The following PIGO variants were observed in gnomAD, a reference collection of about 807,000 sequenced individuals.
PIGO encodes the protein phosphatidylinositol glycan anchor biosynthesis class O, also known as GPI ethanolamine phosphate transferase 3, catalytic subunit.
PIGO carries 66 observed loss-of-function variants against 86.9 expected under a neutral mutation model. That is an observed-to-expected ratio of 0.76 (90% CI 0.62 to 0.93). PIGO has a LOEUF of 0.93. PIGO is among the 40% of genes least tolerant of loss of function. The pLI, the probability that PIGO is intolerant of heterozygous loss-of-function variation, is 0.00. For synonymous variants in PIGO, 570 were observed against 556.4 expected (o/e 1.02, Z -0.34); for missense variants, 1,202 against 1,359.1 (o/e 0.88, Z 1.82).
In PIGO at chr9:35,093,029, C is replaced by A. The variant is rs1326545265; in HGVS notation, c.1119+1G>T. ...CCTGGAAACCCAGCCCGCTTACCTA[C>A]CTGCTGAGCATTGAGATGGAGAGCT... On this transcript the variant is annotated splice_donor_variant, in intron 6 of 10. Coordinates refer to ENST00000378617, the MANE Select transcript of PIGO (RefSeq NM_032634.4). LOFTEE classifies it high-confidence loss of function. 6.2e-7 allele frequency: 1 copy of A among 1,602,486 alleles called. No individual in the cohort carries two copies. The highest frequency in any genetic ancestry group is 8.5e-7 in the Non-Finnish European group (1 of 1,170,804).
chr9:35,091,394 G>A lies in PIGO; in HGVS notation c.2493C>T (p.Val831=). 2 of 1,614,212 alleles carry A rather than the reference G, an allele frequency of 1.2e-6. No individual in the cohort carries two copies. Among genetic ancestry groups the A allele is most frequent in the Non-Finnish European group, 1.7e-6 (2 of 1,180,038 alleles). ...GGGCTGTGACCATAGCAGCTGAGTA[G>A]ACACTCCCCAACTGATAAGCAGCCA... ...LTVAAYQLGS[V]YSAAMVTALT... is the part of the protein sequence containing the mutation. Residue 831 remains valine (V), a synonymous_variant, in exon 7 of 11, where the codon GTC becomes GTT. Transcript: ENST00000378617.
chr9:35,089,067 C>T lies in PIGO; in HGVS notation c.*25G>A. 6.2e-7 allele frequency: 1 copy of T among 1,613,762 alleles called. No individual in the cohort carries two copies. Among genetic ancestry groups the T allele is most frequent in the Non-Finnish European group, 8.5e-7 (1 of 1,179,928 alleles). On this transcript the variant is annotated 3_prime_UTR_variant, in exon 11 of 11. Transcript: ENST00000378617. ...ACTGTTCTCAAGCACTCTCTGTAGC[C>T]AAGTGCCAGTAATCACAGACTAGGC...
rs756106279 is a variant in PIGO, at chr9:35,091,608, C to T, written c.2279G>A (p.Trp760Ter). The change falls in exon 7 of 11, where the codon TGG becomes TAG. Residue 760 changes from tryptophan to a stop codon, truncating the protein, a stop_gained. Transcript: ENST00000378617. LOFTEE classifies it high-confidence loss of function. ...LAASGLALLL[W>*]KPVTVLVKAG... ...CTTCACCAGCACTGTCACAGGCTTC[C>T]AGAGCAGCAGCGCGAGCCCTGAAGC... The T allele has an allele frequency of 1.2e-6, 2 of 1,613,730 alleles. No individual in the cohort carries two copies. The highest frequency in any genetic ancestry group is 1.7e-6 in the Non-Finnish European group (2 of 1,180,024).
Position 35,093,317 on chromosome 9 carries a change from G to T in PIGO, c.939+104C>A, listed in dbSNP as rs894663969. ...AGAAATGAGAGTGGAGGATACCCAG[G>T]ATCATGGATTTGGGGGCCTAAAATA... On this transcript the variant is annotated intron_variant, in intron 5 of 10. Coordinates refer to ENST00000378617, the MANE Select transcript of PIGO (RefSeq NM_032634.4). 3.2e-6 allele frequency: 5 copies of T among 1,576,888 alleles called. No individual in the cohort carries two copies. In the African/African-American group the frequency reaches 4.0e-5, roughly 13 times the overall value.
At chr9:35,092,805 CAG>C (rs768550117) in intron 6 of PIGO, 38 bp from the exon 7 acceptor site, 2 of 1,534,270 alleles carry the variant, frequency 1.3e-6, no homozygotes. Context: ...GGGAACAGGT[CAG>C]AGACATAAAT....
chr9:35,090,816 A>G (rs1829385103), intron 7 of PIGO, 144 bp from the exon 8 acceptor site: 2 of 768,520 alleles, frequency 2.6e-6, no homozygotes, highest in Middle Eastern at 3.7e-4. Flanking sequence ...CTTACAGTCA[A>G]CATTCTGTTA....
rs550176742 is a variant in PIGO at position 35,090,176 on chromosome 9, C to T, written c.2959G>A (p.Glu987Lys). ...TCCATCAGTGGCTCCTCTTCCTCCT[C>T]GGGTCTGACTCTGGCATCAGCTTCA... Reference protein sequence around the residue: ...GNEADARVRPEEEEEPLMEMR... With the variant: ...GNEADARVRPKEEEEPLMEMR... The change falls in exon 9 of 11, where the codon GAG becomes AAG. Residue 987 changes from glutamate (E) to lysine (K), a missense_variant. By Grantham distance (56) the Glu-to-Lys change is moderately conservative. Transcript: ENST00000378617. The T allele has an allele frequency of 1.6e-5, 26 of 1,614,226 alleles. No individual in the cohort carries two copies. The South Asian group carries it at 2.2e-4, about 14-fold the overall frequency.
intron 7 of PIGO, 65 bp downstream of exon 7, chr9:35,091,175 G>T: frequency 6.7e-7 from 1 of 1,484,598 alleles, no homozygotes. Flanking sequence ...ACACCTCCTT[G>T]AAAACAAGAG....
chr9:35,089,982 C>T, intron 9 of PIGO, 84 bp downstream of exon 9: 4 of 1,524,370 alleles, frequency 2.6e-6, no homozygotes, highest in African/African-American at 2.8e-5. Flanking sequence ...TCAAGGCTCT[C>T]TCCCACGGTT....
In PIGO at chr9:35,091,703, A is replaced by G; in HGVS notation, c.2184T>C (p.Ala728=). Residue 728 remains alanine (A), a synonymous_variant, in exon 7 of 11, where the codon GCT becomes GCC. Transcript: ENST00000378617. ...YWALASGADE[A]PPRLRVLVSG... is the part of the protein sequence containing the mutation. ...AGACCAGGACCCGGAGACGGGGGGG[A>G]GCCTCATCTGCCCCCGACGCCAATG... 1 of 1,612,200 alleles carries G rather than the reference A, an allele frequency of 6.2e-7. No homozygotes were observed. The highest frequency in any genetic ancestry group is 8.5e-7 in the Non-Finnish European group (1 of 1,179,986).
chr9:35,091,215 A>G (rs1829399725), intron 7 of PIGO, 25 bp downstream of exon 7: 1 of 1,552,854 alleles, frequency 6.4e-7, no homozygotes, highest in Admixed American at 1.9e-5. Context: ...ATTGTCTTTA[A>G]GTGAATCAGA....
chr9:35,095,679 G>C, intron 1 of PIGO, 113 bp from the exon 2 acceptor site: 3 of 1,307,630 alleles, frequency 2.3e-6, no homozygotes, highest in Non-Finnish European at 3.0e-6. Context: ...CCTTCCTGGA[G>C]ATAAACCATT....
At chr9:35,093,735 T>G in intron 4 of PIGO, 155 bp from the exon 5 acceptor site, 1 of 1,434,964 alleles carries the variant, frequency 7.0e-7, no homozygotes, top group Admixed American at 2.4e-5. Flanking sequence ...GCCATGATCC[T>G]GATGCCCAAA....
chr9:35,095,199 A>C lies in PIGO; in HGVS notation c.367T>G (p.Ser123Ala), dbSNP rs1381316015. Reference sequence around the variant, plus strand: ...GTGGTGGTAGGAGGGTCAACCTGAGATCGGTAGAGCCGGGCATGGTGGGGC... The same window carrying C: ...GTGGTGGTAGGAGGGTCAACCTGAGCTCGGTAGAGCCGGGCATGGTGGGGC... ...IQPHHARLYR[S>A]QVDPPTTTMQ... Residue 123 changes from serine to alanine, a missense_variant, in exon 2 of 11, where the codon TCT becomes GCT. Physicochemically the swap from Ser to Ala is moderately conservative, Grantham distance 99. Transcript: ENST00000378617. 1 of 1,614,116 alleles carries C rather than the reference A, an allele frequency of 6.2e-7. No individual in the cohort carries two copies. The highest frequency in any genetic ancestry group is 8.5e-7 in the Non-Finnish European group (1 of 1,180,018).
At position 35,091,659 on chromosome 9, in the gene PIGO, A is replaced by G. The variant is rs1353428922; in HGVS notation, c.2228T>C (p.Leu743Pro). ...RVLVSGASMV[L>P]PRAVAGLAAS... The stretch of plus-strand genomic sequence containing the variant: ...AGCCAGCCCTGCTACAGCCCGAGGC[A>G]GCACCATGGATGCCCCAGAGACCAG... Residue 743 changes from leucine to proline, a missense_variant, in exon 7 of 11, where the codon CTG becomes CCG. By Grantham distance (98) the Leu-to-Pro change is moderately conservative. Coordinates refer to ENST00000378617, the MANE Select transcript of PIGO (RefSeq NM_032634.4). The G allele has an allele frequency of 6.2e-7, 1 of 1,613,236 alleles. No individual in the cohort carries two copies. The highest frequency in any genetic ancestry group is 2.2e-5 in the East Asian group (1 of 44,882).
At chr9:35,089,720 G>A in intron 9 of PIGO, 1 of 1,403,874 alleles carries the variant, frequency 7.1e-7, no homozygotes, top group Non-Finnish European at 9.2e-7. Context: ...AGATATCAGT[G>A]CCACATCTGC....
In PIGO at chr9:35,093,963, G is replaced by A. The variant is rs780837364; in HGVS notation, c.717C>T (p.His239=). ...TTTCAGGGTGGTGAGGGCCATGCTTGTGGCCACAGTGGTCCACACCCAGGA... is the reference window on the plus strand; with the variant it reads ...TTTCAGGGTGGTGAGGGCCATGCTTATGGCCACAGTGGTCCACACCCAGGA... ...AHFLGVDHCG[H]KHGPHHPEMA... The change falls in exon 4 of 11, where the codon CAC becomes CAT. Residue 239 remains histidine (H), a synonymous_variant. Transcript: ENST00000378617. The A allele has an allele frequency of 1.2e-6, 2 of 1,614,158 alleles. No homozygotes were observed. Among genetic ancestry groups the A allele is most frequent in the Admixed American group, 1.7e-5 (1 of 60,018 alleles).
chr9:35,091,719 G>A lies in PIGO; in HGVS notation c.2168C>T (p.Ser723Leu), dbSNP rs1554672556. ...LGTAAYWALASGADEAPPRLR... is the reference protein window; with the variant it reads ...LGTAAYWALALGADEAPPRLR... ...ACGGGGGGGAGCCTCATCTGCCCCC[G>A]ACGCCAATGCCCAGTAGGCAGCAGT... The change falls in exon 7 of 11, where the codon TCG (serine) becomes TTG (leucine). Residue 723 changes from serine to leucine, a missense_variant. Physicochemically the swap from Ser to Leu is moderately radical, Grantham distance 145. Coordinates refer to ENST00000378617, the MANE Select transcript of PIGO (RefSeq NM_032634.4). 8 of 1,611,918 alleles carry A rather than the reference G, an allele frequency of 5.0e-6. No homozygotes were observed. The highest frequency in any genetic ancestry group is 1.6e-4 in the Middle Eastern group (1 of 6,084).
At chr9:35,090,982 A>G in intron 7 of PIGO, 1 of 574,504 alleles carries the variant, frequency 1.7e-6, no homozygotes. Flanking sequence ...TGTGCTCATG[A>G]GGATGCAGCA....
Sources: gnomAD v4.1 joint callset for allele counts on GRCh38, gnomAD v4.1.1 for gene constraint, MANE v1.5 for transcripts, NCBI Gene and HGNC (gene_info 2026-07-23, HGNC 2026-07-21) for gene names.